Variants in EVI5L observed in about 807,000 individuals in gnomAD.
EVI5L encodes ecotropic viral integration site 5 like.
A neutral mutation model predicts 106.1 loss-of-function variants in EVI5L; 30 were observed. The ratio of observed to expected loss-of-function variants is 0.28; its 90% CI spans 0.21 to 0.38. The LOEUF is 0.38. Among genes scored for constraint, EVI5L ranks in the 10% least tolerant of loss-of-function variants. EVI5L has a pLI of 1.00. For synonymous variants in EVI5L, 489 were observed against 483.3 expected (o/e 1.01, Z -0.15); for missense variants, 809 against 1,098.0 (o/e 0.74, Z 3.72).
intron 1 of EVI5L, among the ~76,000 whole-genome samples, chr19:7,841,544 C>T (rs1002074622): frequency 6.6e-6 from 1 of 152,146 alleles, no homozygotes; most frequent in South Asian, 2.1e-4. Context: ...CCAAACACAG[C>T]CCCTTTCCAG....
At position 7,849,220 on chromosome 19, in the gene EVI5L, G is replaced by A. The variant is rs200671511; in HGVS notation, c.553-36G>A. On this transcript the variant is annotated intron_variant, in intron 4 of 19. Transcript: ENST00000538904. ...CCCCAGTTCACCGGCTGTGCTGGAC[G>A]GCGGGACCCTGCTCTCAGGACTTGT... The A allele has an allele frequency of 1.0e-4, 165 of 1,613,866 alleles. No individual in the cohort carries two copies. In the East Asian group the frequency reaches 2.8e-3, roughly 27 times the overall value.
Position 7,860,558 on chromosome 19 carries a change from C to T in EVI5L, c.1375-3C>T. The T allele has an allele frequency of 1.9e-6, 3 of 1,584,458 alleles. No homozygotes were observed. The highest frequency in any genetic ancestry group is 1.1e-5 in the South Asian group (1 of 87,488). On this transcript the variant is annotated splice_polypyrimidine_tract_variant and splice_region_variant and intron_variant, in intron 13 of 19. Transcript: ENST00000538904. ...GCCCCACGCAGCTCTCTGCCTCCCC[C>T]AGGAGAACCCCCGCCTCACAGAAGA...
chr19:7,863,935 C>T lies in EVI5L; in HGVS notation c.*233C>T, dbSNP rs1599583384. On this transcript the variant is annotated 3_prime_UTR_variant, in exon 20 of 20. Coordinates refer to ENST00000538904, the MANE Select transcript of EVI5L (RefSeq NM_001159944.3). This position sits in a 1 kb window ranked among gnomAD's most constrained non-coding sequence, Gnocchi z 7.7. ...CAGTGTTTACCCATCTTGGTCTGTACCCCTCCGGGCCCTCTGGCGTTCCAG... is the reference window on the plus strand; with the variant it reads ...CAGTGTTTACCCATCTTGGTCTGTATCCCTCCGGGCCCTCTGGCGTTCCAG... The T allele has an allele frequency of 1.9e-6, 1 of 513,120 alleles. No homozygotes were observed. The highest frequency in any genetic ancestry group is 4.1e-5 in the Admixed American group (1 of 24,262). 31.8% of individuals were successfully genotyped at this position (513,120 alleles called of 1,614,324 possible). A position where few individuals can be genotyped will look rare whatever the true frequency, so the allele number is the denominator to read the frequency against.
At chr19:7,843,081 A>G (rs1276498359) in intron 1 of EVI5L, among the ~76,000 whole-genome samples, 5 of 140,382 alleles carry the variant, frequency 3.6e-5, no homozygotes, top group South Asian at 4.6e-4. Flanking sequence ...GTGTGTGTAT[A>G]GGTGTGTGAG....
At chr19:7,831,348 C>T (rs1978292825) in intron 1 of EVI5L, among the ~76,000 whole-genome samples, 1 of 151,784 alleles carries the variant, frequency 6.6e-6, no homozygotes, top group Non-Finnish European at 1.5e-5. Flanking sequence ...CTGCCCCTGC[C>T]CCCACCCACT....
Position 7,835,370 on chromosome 19 carries a change from T to C in EVI5L, c.-48+4989T>C, listed in dbSNP as rs572853221. ...TAAAAATACAAAAATTAGCGAGGTA[T>C]AATGGCGGGCATCTGTAATCCCAGC... On this transcript the variant is annotated intron_variant, in intron 1 of 19. Transcript: ENST00000538904. The surrounding 1 kb of genome is among the most constrained non-coding windows in gnomAD (Gnocchi z 4.1). 1.3e-5 allele frequency among the ~76,000 whole-genome samples: 2 copies of C among 151,886 alleles called. No homozygotes were observed. Among genetic ancestry groups the C allele is most frequent in the South Asian group, 4.2e-4 (2 of 4,814 alleles).
chr19:7,856,491 G>A lies in EVI5L; in HGVS notation c.1200+423G>A, dbSNP rs1486635025. ...GGAAACCCAGTGGAGGAGAAGCGTG[G>A]CGCCATGGTGGGGAGCCACAGCCCG... is the stretch of plus-strand genomic sequence containing the variant. On this transcript the variant is annotated intron_variant, in intron 11 of 19. Transcript: ENST00000538904. The surrounding 1 kb of genome is among the most constrained non-coding windows in gnomAD (Gnocchi z 6.6). Among the ~76,000 whole-genome samples, 1 of 152,028 alleles carries A rather than the reference G, an allele frequency of 6.6e-6. No individual in the cohort carries two copies. The highest frequency in any genetic ancestry group is 1.9e-4 in the East Asian group (1 of 5,140).
rs1179502118 is a variant in EVI5L, at chr19:7,850,324, C to T, written c.753+202C>T. Among the ~76,000 whole-genome samples the T allele has an allele frequency of 6.6e-6, 1 of 152,136 alleles. No individual in the cohort carries two copies. Among genetic ancestry groups the T allele is most frequent in the Non-Finnish European group, 1.5e-5 (1 of 68,012 alleles). ...GCACTCCTCTTTCCATGCAGCACTG[C>T]CCTGAAGGATGCTTGGAGGAACAGG... is the stretch of plus-strand genomic sequence containing the variant. On this transcript the variant is annotated intron_variant, in intron 6 of 19. Coordinates refer to ENST00000538904, the MANE Select transcript of EVI5L (RefSeq NM_001159944.3). The surrounding 1 kb of genome is among the most constrained non-coding windows in gnomAD (Gnocchi z 5.4).
At chr19:7,847,551 A>C (rs944339099) in intron 2 of EVI5L, among the ~76,000 whole-genome samples, 181 bp from the exon 3 acceptor site, 8 of 151,984 alleles carry the variant, frequency 5.3e-5, no homozygotes, top group Non-Finnish European at 7.4e-5. Flanking sequence ...ACACCACTGC[A>C]CTCCAGCCTG....
intron 8 of EVI5L, chr19:7,852,875 A>G: frequency 3.5e-6 from 2 of 568,422 alleles, no homozygotes; most frequent in Non-Finnish European, 3.1e-6. Flanking sequence ...TCTTCTGGAA[A>G]CTAAGGCTTT....
chr19:7,862,031 TGG>T lies in EVI5L; in HGVS notation c.1644+15_1644+16del, dbSNP rs1979824470. 6.5e-7 allele frequency: 1 copy of T among 1,541,902 alleles called. No homozygotes were observed. The highest frequency in any genetic ancestry group is 8.7e-7 in the Non-Finnish European group (1 of 1,143,570). On this transcript the variant is annotated intron_variant, in intron 15 of 19. Coordinates refer to ENST00000538904, the MANE Select transcript of EVI5L (RefSeq NM_001159944.3). ...GGACACCTGGCAGGTGAGGGCCGGG[TGG>T]GCGCCGGCGGGCAGAGCGCCCCCTA... is the stretch of plus-strand genomic sequence containing the variant.
At position 7,849,112 on chromosome 19, in the gene EVI5L, C is replaced by T. The variant is rs757012069; in HGVS notation, c.519C>T (p.Ser173=). Residue 173 remains serine (S), a synonymous_variant, in exon 4 of 20, where the codon AGC becomes AGT. Coordinates refer to ENST00000538904, the MANE Select transcript of EVI5L (RefSeq NM_001159944.3). ...PEHEFFKGQD[S]LGQEVLFNVM... ...ATGAGTTCTTCAAGGGCCAGGACAG[C>T]CTGGGCCAGGAGGTCCTCTTCAACG... is the stretch of plus-strand genomic sequence containing the variant. 6 of 1,609,444 alleles carry T rather than the reference C, an allele frequency of 3.7e-6. No individual in the cohort carries two copies. In the East Asian group the frequency reaches 1.3e-4, roughly 36 times the overall value.
chr19:7,846,168 C>T (rs1036775836), intron 1 of EVI5L, among the ~76,000 whole-genome samples: 14 of 152,200 alleles, frequency 9.2e-5, no homozygotes, highest in African/African-American at 2.9e-4. Context: ...GCCTCTGCTC[C>T]GGGCCCTGCT....
At chr19:7,831,809 G>A (rs903174272) in intron 1 of EVI5L, among the ~76,000 whole-genome samples, 2 of 152,232 alleles carry the variant, frequency 1.3e-5, no homozygotes, top group African/African-American at 2.4e-5. Flanking sequence ...CCAGCAGGGC[G>A]GTCCAGGTTG....
intron 5 of EVI5L, among the ~76,000 whole-genome samples, chr19:7,849,594 C>G (rs1177051525): frequency 6.6e-6 from 1 of 152,202 alleles, no homozygotes; most frequent in Non-Finnish European, 1.5e-5. Flanking sequence ...TGCCACATCT[C>G]AGGGTTGGAC....
At position 7,857,039 on chromosome 19, in the gene EVI5L, GC is replaced by G; in HGVS notation, c.1201-51del. Reference sequence around the variant, plus strand: ...TCTGTCTCCCCTCTCCTGTCCCCGCGCCTTCCGCTCTGCCTCCTCCCCCTGT... The same window carrying G: ...TCTGTCTCCCCTCTCCTGTCCCCGCGCTTCCGCTCTGCCTCCTCCCCCTGT... On this transcript the variant is annotated intron_variant, in intron 11 of 19. Transcript: ENST00000538904. This position sits in a 1 kb window ranked among gnomAD's most constrained non-coding sequence, Gnocchi z 4.5. 4.5e-6 allele frequency: 7 copies of G among 1,548,064 alleles called. No homozygotes were observed. Among genetic ancestry groups the G allele is most frequent in the African/African-American group, 1.4e-5 (1 of 73,074 alleles).
chr19:7,841,057 T>G (rs1253597896), intron 1 of EVI5L, among the ~76,000 whole-genome samples: 1 of 152,150 alleles, frequency 6.6e-6, no homozygotes, highest in Non-Finnish European at 1.5e-5. Flanking sequence ...TGCAAGCATT[T>G]ATCTCAATCT....
rs1979952864 is a variant in EVI5L, at chr19:7,863,417, G to A, written c.2140-7G>A. 6.5e-7 allele frequency: 1 copy of A among 1,534,658 alleles called. No individual in the cohort carries two copies. Among genetic ancestry groups the A allele is most frequent in the Non-Finnish European group, 8.8e-7 (1 of 1,140,960 alleles). On this transcript the variant is annotated splice_region_variant and splice_polypyrimidine_tract_variant and intron_variant, in intron 19 of 19. Coordinates refer to ENST00000538904, the MANE Select transcript of EVI5L (RefSeq NM_001159944.3). The surrounding 1 kb of genome is among the most constrained non-coding windows in gnomAD (Gnocchi z 7.7). Reference sequence around the variant, plus strand: ...TCCACGCCTGCAGCGCCGGTCCCCCGCCCCAGGTGCGGCTGCTGAAGGGCC... The same window carrying A: ...TCCACGCCTGCAGCGCCGGTCCCCCACCCCAGGTGCGGCTGCTGAAGGGCC...
At chr19:7,833,465 G>A (rs1374193604) in intron 1 of EVI5L, among the ~76,000 whole-genome samples, 1 of 152,256 alleles carries the variant, frequency 6.6e-6, no homozygotes, top group Non-Finnish European at 1.5e-5. Context: ...GCCTGCTGCG[G>A]GGAGCATGAG....
Sources: allele counts gnomAD v4.1 joint callset (sites outside exome capture counted in the v4.1 genomes callset), GRCh38; gene constraint gnomAD v4.1.1; non-coding constraint Gnocchi (gnomAD v3.1); transcripts MANE v1.5; gene names NCBI Gene and HGNC (gene_info 2026-07-23, HGNC 2026-07-21).